EGFLAM: variants seen among roughly 807,000 people sequenced by gnomAD.
The protein encoded by EGFLAM is pikachurin.
EGFLAM carries 79 observed loss-of-function variants against 113.1 expected under a neutral mutation model. That is an observed-to-expected ratio of 0.70 (90% CI 0.58 to 0.84). The LOEUF (loss-of-function observed/expected upper bound fraction) is 0.84, where lower values mean the gene tolerates loss of function less well. EGFLAM is among the 40% of genes least tolerant of loss of function. The pLI is 0.00. For synonymous variants in EGFLAM, 504 were observed against 487.6 expected (o/e 1.03, Z -0.44); for missense variants, 1,265 against 1,291.6 (o/e 0.98, Z 0.32).
intron 1 of EGFLAM, chr5:38,285,805 A>G (rs1758147382): frequency 6.6e-6 from 1 of 152,184 alleles, no homozygotes; most frequent in Non-Finnish European, 1.5e-5. Flanking sequence ...AGAGCCCCTT[A>G]TAAAATCATC....
intron 1 of EGFLAM, among the ~76,000 whole-genome samples, chr5:38,275,161 G>A (rs964505831): frequency 1.3e-5 from 2 of 152,118 alleles, no homozygotes; most frequent in African/African-American, 4.8e-5. Context: ...AAGAAATATG[G>A]TAAGAAAAGA....
intron 6 of EGFLAM, among the ~76,000 whole-genome samples, chr5:38,402,330 T>C (rs3110229): frequency 0.18 from 27,289 of 152,180 alleles, 2,652 homozygotes; most frequent in African/African-American, 0.23. Context: ...CCATTCCCCA[T>C]CTGTCTGCCT....
At chr5:38,419,756 C>A (rs928704109) in intron 12 of EGFLAM, among the ~76,000 whole-genome samples, 6 of 152,150 alleles carry the variant, frequency 3.9e-5, no homozygotes, top group Non-Finnish European at 8.8e-5. Flanking sequence ...GGGCTGGGCA[C>A]AGTGCTCATG....
intron 6 of EGFLAM, 100 bp from the exon 7 acceptor site, chr5:38,406,026 C>T (rs1741272765): frequency 7.9e-6 from 7 of 891,078 alleles, no homozygotes; most frequent in South Asian, 1.3e-5. Context: ...CAATACACTG[C>T]GTTCCATTCG....
intron 1 of EGFLAM, among the ~76,000 whole-genome samples, chr5:38,302,806 G>C (rs1758626893): frequency 6.6e-6 from 1 of 151,560 alleles, no homozygotes. Flanking sequence ...AAGCTTCCCT[G>C]ACACCTGGTA....
At chr5:38,422,110 G>A (rs1305678582) in intron 12 of EGFLAM, among the ~76,000 whole-genome samples, 2 of 152,094 alleles carry the variant, frequency 1.3e-5, no homozygotes, top group Non-Finnish European at 2.9e-5. Flanking sequence ...GTTTCTCCTT[G>A]TTCATGGTCT....
At chr5:38,303,635 C>T (rs1033367763) in intron 1 of EGFLAM, among the ~76,000 whole-genome samples, 12 of 152,120 alleles carry the variant, frequency 7.9e-5, no homozygotes, top group Non-Finnish European at 1.6e-4. Context: ...ATAAGTATTG[C>T]TTGTATATGT....
At chr5:38,371,088 T>G (rs917135700) in intron 6 of EGFLAM, among the ~76,000 whole-genome samples, 6 of 152,226 alleles carry the variant, frequency 3.9e-5, no homozygotes, top group Non-Finnish European at 8.8e-5. Context: ...GAACCATTCT[T>G]GGATTGGCAA....
At chr5:38,312,796 A>G (rs1285184846) in intron 1 of EGFLAM, among the ~76,000 whole-genome samples, 2 of 152,172 alleles carry the variant, frequency 1.3e-5, no homozygotes, top group Admixed American at 6.5e-5. Context: ...GAGAAAAGTT[A>G]AAGTATGCGG....
At chr5:38,389,118 A>G (rs1472132947) in intron 6 of EGFLAM, among the ~76,000 whole-genome samples, 1 of 152,186 alleles carries the variant, frequency 6.6e-6, no homozygotes, top group Non-Finnish European at 1.5e-5. Flanking sequence ...GATCCTCATT[A>G]AAAATTAAGG....
intron 1 of EGFLAM, chr5:38,305,288 TG>T: frequency 4.3e-6 from 1 of 233,746 alleles, no homozygotes; most frequent in Non-Finnish European, 8.8e-6. Context: ...CCATCAATAC[TG>T]GCAGCAAGAA....
At position 38,463,942 on chromosome 5, in the gene EGFLAM, G is replaced by T. The variant is rs759595358; in HGVS notation, c.2986G>T (p.Asp996Tyr). 6.2e-7 allele frequency: 1 copy of T among 1,614,220 alleles called. No homozygotes were observed. Among genetic ancestry groups the T allele is most frequent in the South Asian group, 1.1e-5 (1 of 91,078 alleles). ...STDYHISLVE[D>Y]AVDGKNINTC... is the part of the protein sequence containing the mutation. ...CGATTACCACATTTCCCTCGTGGAA[G>T]ATGCCGTGGATGGGAAAAACATCAA... Residue 996 changes from aspartate (D) to tyrosine (Y), a missense_variant, in exon 22 of 22, where the codon GAT becomes TAT. Physicochemically the swap from Asp to Tyr is radical, Grantham distance 160. Transcript: ENST00000322350.
At chr5:38,368,836 G>T (rs1414889064) in intron 5 of EGFLAM, among the ~76,000 whole-genome samples, 1 of 151,940 alleles carries the variant, frequency 6.6e-6, no homozygotes, top group Non-Finnish European at 1.5e-5. Context: ...TACCTGTTCA[G>T]TGCCTTAGTT....
At chr5:38,325,903 C>T (rs1004598011) in intron 1 of EGFLAM, among the ~76,000 whole-genome samples, 7 of 151,460 alleles carry the variant, frequency 4.6e-5, no homozygotes, top group African/African-American at 1.5e-4. Flanking sequence ...AAAAAAATAC[C>T]TGAAAATTAA....
At chr5:38,426,102 T>TG (rs986993594) in intron 13 of EGFLAM, among the ~76,000 whole-genome samples, 4 of 136,604 alleles carry the variant, frequency 2.9e-5, no homozygotes, top group Admixed American at 7.2e-5. Context: ...GACTCCATCT[T>TG]GGGAAAAAAA....
chr5:38,332,530 C>T (rs1353543468), intron 1 of EGFLAM, among the ~76,000 whole-genome samples: 1 of 152,174 alleles, frequency 6.6e-6, no homozygotes, highest in South Asian at 2.1e-4. Flanking sequence ...TACACGCACA[C>T]AGAAGTATAG....
At chr5:38,423,311 G>A (rs1353905753) in intron 12 of EGFLAM, among the ~76,000 whole-genome samples, 1 of 152,100 alleles carries the variant, frequency 6.6e-6, no homozygotes, top group Non-Finnish European at 1.5e-5. Flanking sequence ...CCCTATAGGA[G>A]TTTTTTCATC....
At chr5:38,404,962 T>A (rs1741234341) in intron 6 of EGFLAM, among the ~76,000 whole-genome samples, 2 of 152,176 alleles carry the variant, frequency 1.3e-5, no homozygotes, top group Non-Finnish European at 2.9e-5. Flanking sequence ...GCCAACTGAA[T>A]GTTCCCCAAA....
At chr5:38,441,510 A>C (rs1425823495) in intron 17 of EGFLAM, among the ~76,000 whole-genome samples, 1 of 152,032 alleles carries the variant, frequency 6.6e-6, no homozygotes, top group East Asian at 1.9e-4. Context: ...TGTGTATCTA[A>C]GTAAGTTACT....
Sources: gnomAD v4.1 joint callset for allele counts (sites outside exome capture counted in the v4.1 genomes callset) on GRCh38, gnomAD v4.1.1 for gene constraint, MANE v1.5 for transcripts, NCBI Gene and HGNC (gene_info 2026-07-23, HGNC 2026-07-21) for gene names.